The following CYP2J2 variants were observed in gnomAD, a reference collection of about 807,000 sequenced individuals.
CYP2J2 encodes the protein cytochrome P450 2J2.
In CYP2J2, 41 loss-of-function variants were observed where a neutral mutation model predicts 48.8. That is an observed-to-expected ratio of 0.84 (90% CI 0.66 to 1.09). The LOEUF (loss-of-function observed/expected upper bound fraction) is 1.09, where lower values mean the gene tolerates loss of function less well. Ranked by LOEUF, CYP2J2 falls within the 50% of genes least tolerant of loss-of-function variation. CYP2J2 has a pLI of 0.00. For missense variants in CYP2J2, 644 were observed against 617.3 expected, an observed-to-expected ratio of 1.04 and a Z score of -0.46; for synonymous variants, 221 against 227.1, an observed-to-expected ratio of 0.97 and a Z score of 0.24.
the CYP2J2 span, among the ~76,000 whole-genome samples, chr1:59,951,297 A>G: frequency 6.6e-6 from 1 of 152,136 alleles, no homozygotes; most frequent in Non-Finnish European, 1.5e-5. Flanking sequence ...TCCAGACTAC[A>G]TGGTTTTATG....
the CYP2J2 span, among the ~76,000 whole-genome samples, chr1:59,944,505 G>A: frequency 6.6e-6 from 1 of 152,200 alleles, no homozygotes; most frequent in Non-Finnish European, 1.5e-5. Context: ...TTACAAGCAT[G>A]AGCCACTGTG....
At chr1:59,900,576 G>A (rs3768004) in intron 8 of CYP2J2, among the ~76,000 whole-genome samples, 7,268 of 152,316 alleles carry the variant, frequency 0.048, 411 homozygotes, top group African/African-American at 0.13. Flanking sequence ...GGAGGTTGCA[G>A]TGAGCTGAGA....
rs1337308097 is a variant in CYP2J2, at chr1:59,907,816, G to T, written c.973C>A (p.Leu325Ile). The T allele has an allele frequency of 2.5e-6, 4 of 1,613,920 alleles. No homozygotes were observed. The Admixed American group carries it at 5.0e-5, about 20-fold the overall frequency. The change falls in exon 6 of 9, where the codon CTT (leucine) becomes ATT (isoleucine). Residue 325 changes from leucine (L) to isoleucine (I), a missense_variant. Transcript: ENST00000371204. ...TTSTTLRWALLYMALYPEIQE... is the reference protein window; with the variant it reads ...TTSTTLRWALIYMALYPEIQE... ...ATTTCTGGGTAGAGGGCCATATAAAGCAGAGCCCATCGCAGAGTTGTGGAA... is the reference window on the plus strand; with the variant it reads ...ATTTCTGGGTAGAGGGCCATATAAATCAGAGCCCATCGCAGAGTTGTGGAA...
At chr1:59,933,719 T>TA in the CYP2J2 span, among the ~76,000 whole-genome samples, 6 of 151,970 alleles carry the variant, frequency 3.9e-5, no homozygotes, top group East Asian at 9.6e-4. Context: ...AAGACATCGC[T>TA]AAAAAAAATT....
intron 5 of CYP2J2, among the ~76,000 whole-genome samples, chr1:59,908,896 G>A (rs1574252186): frequency 6.6e-6 from 1 of 152,298 alleles, no homozygotes; most frequent in Non-Finnish European, 1.5e-5. Context: ...TCCAACTCAG[G>A]CCTTAATAAA....
the CYP2J2 span, among the ~76,000 whole-genome samples, chr1:59,965,278 G>A: frequency 6.6e-6 from 1 of 152,088 alleles, no homozygotes; most frequent in Non-Finnish European, 1.5e-5. Context: ...AGGAGAGGGT[G>A]AGGCTGGAAA....
chr1:59,946,035 A>G, the CYP2J2 span, among the ~76,000 whole-genome samples: 1 of 152,226 alleles, frequency 6.6e-6, no homozygotes, highest in African/African-American at 2.4e-5. Flanking sequence ...ACATTCATGC[A>G]CAATCGTGCC....
Position 59,907,786 on chromosome 1 carries a change from C to T in CYP2J2, c.1003G>A (p.Glu335Lys), listed in dbSNP as rs780286411. 1 of 1,613,718 alleles carries T rather than the reference C, an allele frequency of 6.2e-7. No individual in the cohort carries two copies. ...CAGGCTTACTCACTGACATGCTCAC[C>T]TTGGATTTCTGGGTAGAGGGCCATA... is the stretch of plus-strand genomic sequence containing the variant. ...LYMALYPEIQ[E>K]KVQAEIDRVI... The change falls in exon 6 of 9, where the codon GAA (glutamate) becomes AAA (lysine). Residue 335 changes from glutamate to lysine, a missense_variant and splice_region_variant. By Grantham distance (56) the Glu-to-Lys change is moderately conservative. Coordinates refer to ENST00000371204, the MANE Select transcript of CYP2J2 (RefSeq NM_000775.4).
chr1:59,918,802 C>T (rs1377804808), intron 1 of CYP2J2, among the ~76,000 whole-genome samples: 1 of 151,552 alleles, frequency 6.6e-6, no homozygotes, highest in Non-Finnish European at 1.5e-5. Flanking sequence ...CTATAAAAGT[C>T]AAACAAAAGC....
At chr1:59,926,468 C>T (rs1447475892) in intron 1 of CYP2J2, 69 bp downstream of exon 1, 9 of 1,402,520 alleles carry the variant, frequency 6.4e-6, no homozygotes, top group Middle Eastern at 3.6e-4. Context: ...CCCACGTTGC[C>T]GGAACGTCCC....
chr1:59,935,023 T>TATATATATATATATATATACACAC, the CYP2J2 span, among the ~76,000 whole-genome samples: 1 of 75,322 alleles, frequency 1.3e-5, no homozygotes, highest in Non-Finnish European at 2.8e-5. Context: ...TACATATATA[T>TATATATATATATATATATACACAC]ATATATATAT....
chr1:59,896,062 C>T (rs967717054), intron 8 of CYP2J2, among the ~76,000 whole-genome samples: 1 of 152,132 alleles, frequency 6.6e-6, no homozygotes. Flanking sequence ...TTGGGCACAA[C>T]AATCTATTCC....
intron 2 of CYP2J2, among the ~76,000 whole-genome samples, chr1:59,915,029 T>A (rs549807210): frequency 6.6e-6 from 1 of 152,360 alleles, no homozygotes; most frequent in Non-Finnish European, 1.5e-5. Context: ...GAGAAAAGCA[T>A]AAATCTGGCC....
At chr1:59,952,445 G>A in the CYP2J2 span, among the ~76,000 whole-genome samples, 1 of 152,078 alleles carries the variant, frequency 6.6e-6, no homozygotes, top group South Asian at 2.1e-4. Flanking sequence ...CATGGGACTT[G>A]TTAGGGGTGG....
chr1:59,912,060 G>C, intron 3 of CYP2J2, 102 bp downstream of exon 3: 2 of 1,273,160 alleles, frequency 1.6e-6, no homozygotes, highest in Non-Finnish European at 2.1e-6. Flanking sequence ...TCCATTCCTA[G>C]CACAGTGCTG....
the CYP2J2 span, among the ~76,000 whole-genome samples, chr1:59,942,057 T>TA: frequency 6.6e-6 from 1 of 152,252 alleles, no homozygotes. Context: ...AAGTGCCTTA[T>TA]ACAGGGGTAC....
chr1:59,900,389 T>C (rs772928989), intron 8 of CYP2J2, among the ~76,000 whole-genome samples: 39 of 152,270 alleles, frequency 2.6e-4, no homozygotes, highest in Non-Finnish European at 4.7e-4. Context: ...CACTTTGGCT[T>C]TGGGAGGCCG....
chr1:59,939,147 T>A, the CYP2J2 span, among the ~76,000 whole-genome samples: 1 of 152,208 alleles, frequency 6.6e-6, no homozygotes, highest in Admixed American at 6.5e-5. Context: ...CAGTCTGATC[T>A]CTCTTTCTTT....
At chr1:59,916,244 TGA>T (rs1553469017) in intron 1 of CYP2J2, 144 bp from the exon 2 acceptor site, 20 of 577,112 alleles carry the variant, frequency 3.5e-5, no homozygotes, top group East Asian at 1.2e-4. Flanking sequence ...TGTGTGTGTG[TGA>T]GTGAGTGTAC....
Sources: allele counts gnomAD v4.1 joint callset (sites outside exome capture counted in the v4.1 genomes callset), GRCh38; gene constraint gnomAD v4.1.1; transcripts MANE v1.5; gene names NCBI Gene and HGNC (gene_info 2026-07-23, HGNC 2026-07-21).